Variants in KCNK12 observed in about 807,000 individuals in gnomAD.
The protein encoded by KCNK12 is potassium channel subfamily K member 12.
In KCNK12, 6 loss-of-function variants were observed where a neutral mutation model predicts 25.3. The observed-to-expected ratio is 0.24, with a 90% CI of 0.13 to 0.47. The LOEUF (loss-of-function observed/expected upper bound fraction) is 0.47. KCNK12 is among the 20% of genes least tolerant of loss of function. KCNK12 has a pLI of 0.99. For missense variants in KCNK12, 444 were observed against 661.7 expected (o/e 0.67, Z 3.61); for synonymous variants, 331 against 311.1 (o/e 1.06, Z -0.67).
At position 47,570,423 on chromosome 2, in the gene KCNK12, A is replaced by G; in HGVS notation, c.-92T>C. 1 of 1,184,360 alleles carries G rather than the reference A, an allele frequency of 8.4e-7. No individual in the cohort carries two copies. Among genetic ancestry groups the G allele is most frequent in the South Asian group, 4.1e-5 (1 of 24,296 alleles). 73.4% of individuals were successfully genotyped at this position (1,184,360 alleles called of 1,614,324 possible). On this transcript the variant is annotated 5_prime_UTR_variant, in exon 1 of 2. Coordinates refer to ENST00000327876, the MANE Select transcript of KCNK12 (RefSeq NM_022055.2). ...GAGCAGGAGCGTGAGGATGGTGGCCAGGGGTCCGGGGCCGCCGCGGAGCCC... is the reference window on the plus strand; with the variant it reads ...GAGCAGGAGCGTGAGGATGGTGGCCGGGGGTCCGGGGCCGCCGCGGAGCCC...
chr2:47,537,996 A>G (rs545128685), intron 1 of KCNK12, among the ~76,000 whole-genome samples: 2 of 152,220 alleles, frequency 1.3e-5, no homozygotes, highest in Non-Finnish European at 2.9e-5. Context: ...TGTCATGTGG[A>G]TAAGACTTTC....
Position 47,560,821 on chromosome 2 carries a change from GGCT to G in KCNK12, c.391+9117_391+9119del, listed in dbSNP as rs1340986563. Among the ~76,000 whole-genome samples, 2 of 152,152 alleles carry G rather than the reference GGCT, an allele frequency of 1.3e-5. No homozygotes were observed. The highest frequency in any genetic ancestry group is 4.8e-5 in the African/African-American group (2 of 41,416). On this transcript the variant is annotated intron_variant, in intron 1 of 1. Coordinates refer to ENST00000327876, the MANE Select transcript of KCNK12 (RefSeq NM_022055.2). The surrounding 1 kb of genome is among the most constrained non-coding windows in gnomAD (Gnocchi z 4.7). ...CCTCACTCCCCAGAACAAAGGCATT[GGCT>G]GCTGGCATGATGGAGAGTTTGGAAA...
rs1668976690 is a variant in KCNK12, at chr2:47,533,265, C to A, written c.392-11457G>T. 6.6e-6 allele frequency among the ~76,000 whole-genome samples: 1 copy of A among 152,172 alleles called. No homozygotes were observed. Among genetic ancestry groups the A allele is most frequent in the African/African-American group, 2.4e-5 (1 of 41,430 alleles). Reference sequence around the variant, plus strand: ...ACCTCAGGTGATCTGCCCACCTTGGCCTCCCAAAGTGCTGGGATTACATGA... The same window carrying A: ...ACCTCAGGTGATCTGCCCACCTTGGACTCCCAAAGTGCTGGGATTACATGA... On this transcript the variant is annotated intron_variant, in intron 1 of 1. Transcript: ENST00000327876. The surrounding 1 kb of genome is among the most constrained non-coding windows in gnomAD (Gnocchi z 4.7).
Position 47,560,378 on chromosome 2 carries a change from C to T in KCNK12, c.391+9563G>A, listed in dbSNP as rs1669638732. The stretch of plus-strand genomic sequence containing the variant: ...CAGGCAGCCCTCGCTTTAGTGTAGC[C>T]ACTGACACTGCCAGAAGCACAGCAC... On this transcript the variant is annotated intron_variant, in intron 1 of 1. Transcript: ENST00000327876. This position sits in a 1 kb window ranked among gnomAD's most constrained non-coding sequence, Gnocchi z 4.7. Among the ~76,000 whole-genome samples, 1 of 152,202 alleles carries T rather than the reference C, an allele frequency of 6.6e-6. No homozygotes were observed. Among genetic ancestry groups the T allele is most frequent in the Admixed American group, 6.5e-5 (1 of 15,288 alleles).
At chr2:47,544,946 G>T (rs1042672071) in intron 1 of KCNK12, among the ~76,000 whole-genome samples, 1 of 152,204 alleles carries the variant, frequency 6.6e-6, no homozygotes, top group East Asian at 1.9e-4. Context: ...TATTTTAGTG[G>T]TGAAGCTAAA....
intron 1 of KCNK12, among the ~76,000 whole-genome samples, chr2:47,537,575 C>A (rs1239200797): frequency 6.6e-6 from 1 of 152,028 alleles, no homozygotes; most frequent in South Asian, 2.1e-4. Context: ...GTGATCCGCC[C>A]GCCTCGGTCT....
Position 47,513,512 on chromosome 2 carries a change from A to G in KCNK12, c.*7395T>C, listed in dbSNP as rs112770302. Among the ~76,000 whole-genome samples the G allele has an allele frequency of 2.6e-3, 390 of 152,064 alleles. 2 individuals are homozygous for G. Among genetic ancestry groups the G allele is most frequent in the African/African-American group, 8.3e-3 (342 of 41,444 alleles). ...TGTGATCCTCTTTTTATCTCATTCT[A>G]CACACTCACAGCCTGAGTAATTCAC... is the stretch of plus-strand genomic sequence containing the variant. On this transcript the variant is annotated 3_prime_UTR_variant, in exon 2 of 2. Coordinates refer to ENST00000327876, the MANE Select transcript of KCNK12 (RefSeq NM_022055.2).
chr2:47,531,708 G>A (rs755624759), intron 1 of KCNK12, among the ~76,000 whole-genome samples: 2 of 152,156 alleles, frequency 1.3e-5, no homozygotes, highest in Non-Finnish European at 2.9e-5. Context: ...AGGAGAAGAG[G>A]GAATTGGGGT....
At position 47,521,120 on chromosome 2, in the gene KCNK12, C is replaced by G. The variant is rs1042855113; in HGVS notation, c.1080G>C (p.Glu360Asp). 9 of 1,275,886 alleles carry G rather than the reference C, an allele frequency of 7.1e-6. No homozygotes were observed. The highest frequency in any genetic ancestry group is 4.1e-5 in the Admixed American group (1 of 24,450). The allele number at this position is 1,275,886 out of a possible 1,614,324, so 79.0% of individuals were successfully genotyped here. Residue 360 changes from glutamate (E) to aspartate (D), a missense_variant, in exon 2 of 2, where the codon GAG becomes GAC. This residue lies in a region of KCNK12 where 69 missense variants were observed against 81.7 expected (regional missense o/e 0.84). Coordinates refer to ENST00000327876, the MANE Select transcript of KCNK12 (RefSeq NM_022055.2). ...TGAGCTCGCCCGAGAGGCGGCGGCC[C>G]TCGGCGTCGCTGTCGCGGGCCGCGG... ...ADPAARDSDA[E>D]GRRLSGELIS...
chr2:47,561,416 TG>T (rs1669667149), intron 1 of KCNK12, among the ~76,000 whole-genome samples: 1 of 152,202 alleles, frequency 6.6e-6, no homozygotes, highest in South Asian at 2.1e-4. Flanking sequence ...CCTTCCAGGC[TG>T]GTTATGTAAC....
At position 47,557,046 on chromosome 2, in the gene KCNK12, A is replaced by G. The variant is rs543950707; in HGVS notation, c.391+12895T>C. 6.6e-6 allele frequency among the ~76,000 whole-genome samples: 1 copy of G among 152,334 alleles called. No homozygotes were observed. Among genetic ancestry groups the G allele is most frequent in the African/African-American group, 2.4e-5 (1 of 41,568 alleles). On this transcript the variant is annotated intron_variant, in intron 1 of 1. Coordinates refer to ENST00000327876, the MANE Select transcript of KCNK12 (RefSeq NM_022055.2). This position sits in a 1 kb window ranked among gnomAD's most constrained non-coding sequence, Gnocchi z 4.9. ...TGTGGGAGGCTGGAGAAGGCTGGAG[A>G]GGAACTCAGTGAGGCAGACTTCAGT...
rs1251553522 is a variant in KCNK12 at position 47,521,668 on chromosome 2, C to A, written c.532G>T (p.Ala178Ser). 1 of 1,598,172 alleles carries A rather than the reference C, an allele frequency of 6.3e-7. No homozygotes were observed. The highest frequency in any genetic ancestry group is 8.5e-7 in the Non-Finnish European group (1 of 1,174,452). Residue 178 changes from alanine (A) to serine (S), a missense_variant, in exon 2 of 2, where the codon GCC becomes TCC. Physicochemically the swap from Ala to Ser is moderately conservative, Grantham distance 99. Coordinates refer to ENST00000327876, the MANE Select transcript of KCNK12 (RefSeq NM_022055.2). ...CGGCGCAGCTGGCGCTCCCGGCAGGCGCGCATGATGAAGGCCAGCAGCGAG... is the reference window on the plus strand; with the variant it reads ...CGGCGCAGCTGGCGCTCCCGGCAGGAGCGCATGATGAAGGCCAGCAGCGAG... The part of the protein sequence containing the change: ...IISLLAFIMR[A>S]CRERQLRRSG...
rs1351950795 is a variant in KCNK12 at position 47,518,308 on chromosome 2, A to T, written c.*2599T>A. ...CCACTGGATCCTGAGCTGCCATTGT[A>T]CCTTGGAGGACTGGCGTTTCTCTGG... On this transcript the variant is annotated 3_prime_UTR_variant, in exon 2 of 2. Coordinates refer to ENST00000327876, the MANE Select transcript of KCNK12 (RefSeq NM_022055.2). This position sits in a 1 kb window ranked among gnomAD's most constrained non-coding sequence, Gnocchi z 4.1. 1 of 152,262 alleles carries T rather than the reference A, an allele frequency of 6.6e-6. No individual in the cohort carries two copies. The highest frequency in any genetic ancestry group is 1.5e-5 in the Non-Finnish European group (1 of 68,112). 9.4% of individuals were successfully genotyped at this position (152,262 alleles called of 1,614,324 possible). A position where few individuals can be genotyped will look rare whatever the true frequency, so the allele number is the denominator to read the frequency against.
rs1050941224 is a variant in KCNK12 at position 47,515,182 on chromosome 2, C to T, written c.*5725G>A. Among the ~76,000 whole-genome samples the T allele has an allele frequency of 6.6e-6, 1 of 152,184 alleles. No homozygotes were observed. Among genetic ancestry groups the T allele is most frequent in the Admixed American group, 6.5e-5 (1 of 15,282 alleles). On this transcript the variant is annotated 3_prime_UTR_variant, in exon 2 of 2. Transcript: ENST00000327876. ...TGATGGGTGACGAGAAATCAGGCCT[C>T]TCCGCCACGGCAGCCTAGCTAATGG...
At position 47,569,446 on chromosome 2, in the gene KCNK12, T is replaced by C. The variant is rs1197656814; in HGVS notation, c.391+495A>G. Among the ~76,000 whole-genome samples the C allele has an allele frequency of 6.6e-6, 1 of 150,914 alleles. No homozygotes were observed. The highest frequency in any genetic ancestry group is 1.5e-5 in the Non-Finnish European group (1 of 67,668). On this transcript the variant is annotated intron_variant, in intron 1 of 1. Coordinates refer to ENST00000327876, the MANE Select transcript of KCNK12 (RefSeq NM_022055.2). The surrounding 1 kb of genome is among the most constrained non-coding windows in gnomAD (Gnocchi z 4.1). The stretch of plus-strand genomic sequence containing the variant: ...GGGAAAGTGATCCTGGGGCAAGTGG[T>C]CACCCTCTCCAGGGTAAAGGAGTTA...
rs893089891 is a variant in KCNK12 at position 47,570,472 on chromosome 2, C to G, written c.-141G>C. 2.2e-6 allele frequency: 2 copies of G among 902,050 alleles called. No individual in the cohort carries two copies. The highest frequency in any genetic ancestry group is 5.6e-5 in the South Asian group (1 of 17,842). 55.9% of individuals were successfully genotyped at this position (902,050 alleles called of 1,614,324 possible). A position where few individuals can be genotyped will look rare whatever the true frequency, so the allele number is the denominator to read the frequency against. ...CCCTCGCCGCCTTCGCAGAGCCCCTCGTCGCCTTCCCAGAGCCCGGACAGA... is the reference window on the plus strand; with the variant it reads ...CCCTCGCCGCCTTCGCAGAGCCCCTGGTCGCCTTCCCAGAGCCCGGACAGA... On this transcript the variant is annotated 5_prime_UTR_variant, in exon 1 of 2. Coordinates refer to ENST00000327876, the MANE Select transcript of KCNK12 (RefSeq NM_022055.2).
At position 47,538,739 on chromosome 2, in the gene KCNK12, C is replaced by G. The variant is rs1379127856; in HGVS notation, c.392-16931G>C. ...TGAGCCTAGACTGCACCACTGCACT[C>G]TAGCCTGGGTGACAGAGAAAACAAT... On this transcript the variant is annotated intron_variant, in intron 1 of 1. Coordinates refer to ENST00000327876, the MANE Select transcript of KCNK12 (RefSeq NM_022055.2). This position sits in a 1 kb window ranked among gnomAD's most constrained non-coding sequence, Gnocchi z 4.5. Among the ~76,000 whole-genome samples, 1 of 152,182 alleles carries G rather than the reference C, an allele frequency of 6.6e-6. No individual in the cohort carries two copies. The highest frequency in any genetic ancestry group is 1.5e-5 in the Non-Finnish European group (1 of 68,042).
At chr2:47,522,495 T>G (rs1423961662) in intron 1 of KCNK12, among the ~76,000 whole-genome samples, 3 of 152,184 alleles carry the variant, frequency 2.0e-5, no homozygotes, top group South Asian at 2.1e-4. Flanking sequence ...TTTTCTTTTT[T>G]GGGGGGATAG....
At chr2:47,535,113 A>C in intron 1 of KCNK12, 1 of 231,210 alleles carries the variant, frequency 4.3e-6, no homozygotes, top group Admixed American at 5.6e-5. Flanking sequence ...CGGCTCCCTC[A>C]AACTGAGGTG....
Sources: allele counts gnomAD v4.1 joint callset (sites outside exome capture counted in the v4.1 genomes callset), GRCh38; gene constraint gnomAD v4.1.1; regional missense constraint gnomAD v4.1.1; non-coding constraint Gnocchi (gnomAD v3.1); transcripts MANE v1.5; gene names NCBI Gene and HGNC (gene_info 2026-07-23, HGNC 2026-07-21).